Variants in CNKSR3 observed in about 807,000 individuals in gnomAD.
The protein encoded by CNKSR3 is CNKSR family member 3, also known as connector enhancer of kinase suppressor of ras 3.
In CNKSR3, 36 loss-of-function variants were observed where a neutral mutation model predicts 67.7. That is an observed-to-expected ratio of 0.53 (90% confidence interval 0.41 to 0.70). The LOEUF (loss-of-function observed/expected upper bound fraction) is 0.70. Among genes scored for constraint, CNKSR3 ranks in the 30% least tolerant of loss-of-function variants. The pLI, the probability that CNKSR3 is intolerant of heterozygous loss-of-function variation, is 0.00. For synonymous variants in CNKSR3, 281 were observed against 271.4 expected (o/e 1.04, Z -0.35); for missense variants, 630 against 695.2 (o/e 0.91, Z 1.05).
At chr6:154,502,195 C>CTT (rs34790675) in intron 1 of CNKSR3, among the ~76,000 whole-genome samples, 48 of 143,980 alleles carry the variant, frequency 3.3e-4, no homozygotes, top group East Asian at 6.1e-4. Flanking sequence ...TATATTTCTT[C>CTT]TTTTTTTTTT....
At chr6:154,507,702 T>C (rs1459246014) in intron 1 of CNKSR3, among the ~76,000 whole-genome samples, 2 of 152,194 alleles carry the variant, frequency 1.3e-5, no homozygotes, top group East Asian at 3.8e-4. Flanking sequence ...GGCACAGGCA[T>C]TTTGTATAAC....
At chr6:154,508,135 C>G (rs1312761781) in intron 1 of CNKSR3, among the ~76,000 whole-genome samples, 6 of 152,128 alleles carry the variant, frequency 3.9e-5, no homozygotes, top group African/African-American at 1.4e-4. Context: ...GCAGAACTGT[C>G]CAATAGAAAT....
intron 9 of CNKSR3, among the ~76,000 whole-genome samples, chr6:154,420,549 C>T (rs1392238663): frequency 1.3e-5 from 2 of 151,012 alleles, no homozygotes; most frequent in Non-Finnish European, 3.0e-5. Context: ...ATTAGCCGGG[C>T]GTAGTGGCGG....
intron 10 of CNKSR3, among the ~76,000 whole-genome samples, chr6:154,411,671 G>T (rs1342455477): frequency 2.7e-4 from 40 of 148,454 alleles, no homozygotes; most frequent in South Asian, 1.1e-3. Context: ...TAAATGCAGG[G>T]TTTTTTTTAA....
intron 7 of CNKSR3, among the ~76,000 whole-genome samples, chr6:154,425,777 T>C (rs1398556410): frequency 2.3e-5 from 1 of 44,210 alleles, no homozygotes; most frequent in African/African-American, 1.1e-4. Flanking sequence ...GATTGAAGAA[T>C]ATGGACATAA....
At chr6:154,491,949 G>C (rs6935885) in intron 1 of CNKSR3, among the ~76,000 whole-genome samples, 33,239 of 152,022 alleles carry the variant, frequency 0.22, 4,292 homozygotes, top group African/African-American at 0.34. Context: ...ATTGAGGGAG[G>C]TGCTTCACGA....
intron 10 of CNKSR3, among the ~76,000 whole-genome samples, chr6:154,412,531 G>A (rs891396609): frequency 8.5e-5 from 13 of 152,122 alleles, no homozygotes; most frequent in Non-Finnish European, 1.9e-4. Flanking sequence ...CATTAGTAGT[G>A]GAATGTCATG....
chr6:154,496,451 T>A (rs1397204371), intron 1 of CNKSR3, among the ~76,000 whole-genome samples: 1 of 142,530 alleles, frequency 7.0e-6, no homozygotes, highest in African/African-American at 2.5e-5. Context: ...CAGCCAGGGC[T>A]CTGAGTACAG....
In CNKSR3 at chr6:154,510,130, C is replaced by T. The variant is rs1284701951; in HGVS notation, c.-16G>A. On this transcript the variant is annotated 5_prime_UTR_variant, in exon 1 of 13. Transcript: ENST00000607772. ...CGGGTTCCATGGTAAACCGCTTCGC[C>T]TCTCGCTGGGCTGGAGAGTCGCAGA... is the stretch of plus-strand genomic sequence containing the variant. 1.9e-6 allele frequency: 3 copies of T among 1,614,138 alleles called. No individual in the cohort carries two copies. Among genetic ancestry groups the T allele is most frequent in the South Asian group, 2.2e-5 (2 of 91,084 alleles).
At chr6:154,441,498 G>GC in intron 3 of CNKSR3, 119 bp from the exon 4 acceptor site, 1 of 724,396 alleles carries the variant, frequency 1.4e-6, no homozygotes, top group Non-Finnish European at 2.4e-6. Flanking sequence ...GTTTTGTTTT[G>GC]TTTGAGACTG....
chr6:154,414,491 T>G, intron 9 of CNKSR3, 68 bp from the exon 10 acceptor site: 3 of 1,530,660 alleles, frequency 2.0e-6, no homozygotes, highest in Non-Finnish European at 2.7e-6. Context: ...TGGTGTTTAT[T>G]TCCCCTCCCC....
chr6:154,411,206 A>G (rs1584052331), intron 10 of CNKSR3, 64 bp from the exon 11 acceptor site: 3 of 1,134,834 alleles, frequency 2.6e-6, no homozygotes, highest in Admixed American at 1.9e-5. Flanking sequence ...GAAGAATTCC[A>G]GCAGTGCTGC....
chr6:154,435,687 C>T (rs1785456253), intron 4 of CNKSR3, among the ~76,000 whole-genome samples: 1 of 152,234 alleles, frequency 6.6e-6, no homozygotes, highest in Non-Finnish European at 1.5e-5. Context: ...AAAACCAAGT[C>T]ACCGACCCTC....
chr6:154,465,433 A>AAT (rs575387777), intron 1 of CNKSR3, among the ~76,000 whole-genome samples: 2,966 of 150,896 alleles, frequency 0.02, 63 homozygotes, highest in South Asian at 0.03. Context: ...TCTAAGACTT[A>AAT]ATATATATAT....
At chr6:154,427,310 G>A (rs1309439960) in intron 7 of CNKSR3, among the ~76,000 whole-genome samples, 1 of 152,130 alleles carries the variant, frequency 6.6e-6, no homozygotes, top group African/African-American at 2.4e-5. Flanking sequence ...AAACAGATTA[G>A]AAAAGCAGCT....
intron 12 of CNKSR3, 140 bp from the exon 13 acceptor site, chr6:154,406,792 AC>A (rs1215655821): frequency 1.4e-6 from 1 of 705,422 alleles, no homozygotes; most frequent in Non-Finnish European, 2.3e-6. Flanking sequence ...ACATGGTGAA[AC>A]CCCGTCTCTA....
chr6:154,413,370 C>T (rs1025377465), intron 10 of CNKSR3, among the ~76,000 whole-genome samples: 33 of 152,076 alleles, frequency 2.2e-4, no homozygotes, highest in African/African-American at 7.2e-4. Context: ...GCTAGGACCA[C>T]GGGTGCACAC....
At chr6:154,424,464 TA>T (rs1785214427) in intron 7 of CNKSR3, among the ~76,000 whole-genome samples, 1 of 152,198 alleles carries the variant, frequency 6.6e-6, no homozygotes. Flanking sequence ...CATTACTGGC[TA>T]AATCTTCAAA....
intron 1 of CNKSR3, among the ~76,000 whole-genome samples, chr6:154,453,362 C>A (rs1490783617): frequency 6.6e-6 from 1 of 152,124 alleles, no homozygotes; most frequent in Middle Eastern, 3.2e-3. Context: ...GGTGAGAGTT[C>A]TAGACAGTAT....
Sources: allele counts gnomAD v4.1 joint callset (sites outside exome capture counted in the v4.1 genomes callset), GRCh38; gene constraint gnomAD v4.1.1; transcripts MANE v1.5; gene names NCBI Gene and HGNC (gene_info 2026-07-23, HGNC 2026-07-21).